Variants in SH3GL2 observed in about 807,000 individuals in gnomAD.
SH3GL2 encodes endophilin-A1.
In SH3GL2, 24 loss-of-function variants were observed where a neutral mutation model predicts 46.0. The ratio of observed to expected loss-of-function variants is 0.52; its 90% confidence interval spans 0.38 to 0.73. SH3GL2 has a LOEUF of 0.73. Among genes scored for constraint, SH3GL2 ranks in the 30% least tolerant of loss-of-function variants. The pLI is 0.00. For missense variants in SH3GL2, 413 were observed against 424.2 expected, an observed-to-expected ratio of 0.97 and a Z score of 0.23; for synonymous variants, 196 against 147.1, an observed-to-expected ratio of 1.33 and a Z score of -2.40.
chr9:17,627,176 C>T (rs141182365), intron 1 of SH3GL2, among the ~76,000 whole-genome samples: 205 of 152,206 alleles, frequency 1.3e-3, no homozygotes, highest in African/African-American at 4.7e-3. Context: ...AGGAATAAAA[C>T]GTCAGCTGCT....
chr9:17,740,933 G>A (rs538690608), intron 1 of SH3GL2, among the ~76,000 whole-genome samples: 6 of 152,054 alleles, frequency 3.9e-5, no homozygotes, highest in African/African-American at 9.6e-5. Context: ...TCTTTTTCAC[G>A]CAACTATTAG....
chr9:17,621,920 C>T (rs3808752), intron 1 of SH3GL2, among the ~76,000 whole-genome samples: 4,831 of 152,252 alleles, frequency 0.032, 82 homozygotes, highest in African/African-American at 0.047. Context: ...TGTTGCTCTA[C>T]AACCCTTAAT....
intron 1 of SH3GL2, among the ~76,000 whole-genome samples, chr9:17,593,147 A>G (rs144120493): frequency 6.6e-6 from 1 of 152,246 alleles, no homozygotes; most frequent in East Asian, 1.9e-4. Context: ...TCCTTTTAAT[A>G]CCTTTCTAAT....
intron 1 of SH3GL2, among the ~76,000 whole-genome samples, chr9:17,704,366 C>G (rs1821414683): frequency 1.3e-5 from 2 of 151,968 alleles, no homozygotes. Context: ...TTATACTCTC[C>G]AAAGCAATTT....
chr9:17,737,191 G>A (rs1179168529), intron 1 of SH3GL2, among the ~76,000 whole-genome samples: 2 of 151,902 alleles, frequency 1.3e-5, no homozygotes, highest in Non-Finnish European at 2.9e-5. Flanking sequence ...ACCACACACT[G>A]GCGCCTGTCA....
At chr9:17,596,661 G>A (rs1332367321) in intron 1 of SH3GL2, among the ~76,000 whole-genome samples, 6 of 152,144 alleles carry the variant, frequency 3.9e-5, no homozygotes, top group Admixed American at 1.3e-4. Flanking sequence ...ACTTGAATGC[G>A]GAACATTGTT....
intron 1 of SH3GL2, among the ~76,000 whole-genome samples, chr9:17,616,072 C>G (rs1445172942): frequency 6.6e-6 from 1 of 152,150 alleles, no homozygotes; most frequent in Non-Finnish European, 1.5e-5. Context: ...TGCCCTTGAT[C>G]AGTAAGGTGG....
intron 1 of SH3GL2, among the ~76,000 whole-genome samples, chr9:17,624,757 C>G (rs1280434806): frequency 6.6e-6 from 1 of 152,144 alleles, no homozygotes; most frequent in Non-Finnish European, 1.5e-5. Context: ...AGCCCTGGAG[C>G]CATCTGTTCC....
Position 17,796,086 on chromosome 9 carries a change from A to G in SH3GL2, c.*343A>G, listed in dbSNP as rs889119378. The G allele has an allele frequency of 8.7e-5, 21 of 240,328 alleles. No homozygotes were observed. Among genetic ancestry groups the G allele is most frequent in the African/African-American group, 2.6e-4 (12 of 45,822 alleles). The allele number at this position is 240,328 out of a possible 1,614,324, so 14.9% of individuals were successfully genotyped here. On this transcript the variant is annotated 3_prime_UTR_variant, in exon 9 of 9. Coordinates refer to ENST00000380607, the MANE Select transcript of SH3GL2 (RefSeq NM_003026.5). Reference sequence around the variant, plus strand: ...AACCATCCCACCGAAGATATTGTCTATCACCCCAGGGGCCATCTGAAGGTC... The same window carrying G: ...AACCATCCCACCGAAGATATTGTCTGTCACCCCAGGGGCCATCTGAAGGTC...
intron 1 of SH3GL2, among the ~76,000 whole-genome samples, chr9:17,665,974 C>T (rs575370867): frequency 6.7e-6 from 1 of 150,358 alleles, no homozygotes; most frequent in East Asian, 2.0e-4. Context: ...TTGCAGTAGT[C>T]CTCCTTTCCA....
At chr9:17,737,168 CAG>C (rs1822361260) in intron 1 of SH3GL2, among the ~76,000 whole-genome samples, 1 of 151,754 alleles carries the variant, frequency 6.6e-6, no homozygotes, top group Non-Finnish European at 1.5e-5. Context: ...CACATGGACA[CAG>C]AGAGGGGAAC....
chr9:17,610,617 G>A (rs1818842972), intron 1 of SH3GL2, among the ~76,000 whole-genome samples: 1 of 152,104 alleles, frequency 6.6e-6, no homozygotes, highest in Non-Finnish European at 1.5e-5. Flanking sequence ...CAGGGTGTAA[G>A]GATCCCTGGC....
In SH3GL2 at chr9:17,615,516, G is replaced by A. The variant is rs575249856; in HGVS notation, c.45+36229G>A. ...CTAAAAATACAAAAATTAGCCAGGC[G>A]TGGCAGCGGGCGCCTGTAATCCCAG... On this transcript the variant is annotated intron_variant, in intron 1 of 8. Coordinates refer to ENST00000380607, the MANE Select transcript of SH3GL2 (RefSeq NM_003026.5). Among the ~76,000 whole-genome samples, 8 of 152,008 alleles carry A rather than the reference G, an allele frequency of 5.3e-5. No homozygotes were observed. In the Middle Eastern group the frequency reaches 0.01, roughly 194 times the overall value.
In SH3GL2 at chr9:17,728,109, G is replaced by A. The variant is rs116769916; in HGVS notation, c.46-18957G>A. 5.2e-3 allele frequency among the ~76,000 whole-genome samples: 785 copies of A among 152,190 alleles called. 5 individuals are homozygous for A. Among genetic ancestry groups the A allele is most frequent in the African/African-American group, 0.018 (744 of 41,542 alleles). On this transcript the variant is annotated intron_variant, in intron 1 of 8. Transcript: ENST00000380607. ...AAAATGTTTGCTTTTTAAAAGCTGG[G>A]TATTTACATTTTTGAGTTTGAAATA... is the stretch of plus-strand genomic sequence containing the variant.
intron 1 of SH3GL2, among the ~76,000 whole-genome samples, chr9:17,704,123 C>T (rs541786560): frequency 6.6e-6 from 1 of 152,142 alleles, no homozygotes; most frequent in East Asian, 1.9e-4. Context: ...GTACAAAAAT[C>T]AGTGGCATTT....
chr9:17,674,908 G>C (rs1820570002), intron 1 of SH3GL2, among the ~76,000 whole-genome samples: 1 of 152,036 alleles, frequency 6.6e-6, no homozygotes, highest in South Asian at 2.1e-4. Context: ...ACATTGTCTT[G>C]GCCAGTGCAA....
intron 1 of SH3GL2, among the ~76,000 whole-genome samples, chr9:17,682,994 A>G (rs778130140): frequency 2.0e-5 from 3 of 152,158 alleles, no homozygotes; most frequent in Non-Finnish European, 2.9e-5. Flanking sequence ...CAGATAGTAT[A>G]CAAAATGACT....
At chr9:17,744,484 G>T (rs754809451) in intron 1 of SH3GL2, among the ~76,000 whole-genome samples, 3 of 151,780 alleles carry the variant, frequency 2.0e-5, no homozygotes, top group Non-Finnish European at 2.9e-5. Flanking sequence ...TTTCACCTCA[G>T]CCTCCAGAGT....
intron 1 of SH3GL2, among the ~76,000 whole-genome samples, chr9:17,639,375 A>C (rs1819618753): frequency 1.3e-5 from 2 of 152,220 alleles, no homozygotes; most frequent in South Asian, 4.1e-4. Flanking sequence ...AACCCAATAA[A>C]AATATAGACA....
Sources: allele counts gnomAD v4.1 joint callset (sites outside exome capture counted in the v4.1 genomes callset), GRCh38; gene constraint gnomAD v4.1.1; transcripts MANE v1.5; gene names NCBI Gene and HGNC (gene_info 2026-07-23, HGNC 2026-07-21).